The following GRM3 variants were observed in gnomAD, a reference collection of about 807,000 sequenced individuals.
GRM3 encodes the protein glutamate metabotropic receptor 3, also known as metabotropic glutamate receptor 3.
Under a neutral mutation model 70.5 loss-of-function variants are expected in GRM3, and 26 were observed. The ratio of observed to expected loss-of-function variants is 0.37; its 90% CI spans 0.27 to 0.51. GRM3 has a LOEUF of 0.51. Among genes scored for constraint, GRM3 ranks in the 20% least tolerant of loss-of-function variants. GRM3 has a pLI of 0.93. For missense variants in GRM3, 859 were observed against 1,123.8 expected (o/e 0.76, Z 3.37); for synonymous variants, 443 against 434.9 (o/e 1.02, Z -0.23).
At chr7:86,683,548 C>G (rs1333824876) in intron 1 of GRM3, among the ~76,000 whole-genome samples, 1 of 152,132 alleles carries the variant, frequency 6.6e-6, no homozygotes, top group African/African-American at 2.4e-5. Flanking sequence ...ACACTGAGGA[C>G]TCCACTTTCT....
chr7:86,824,639 G>A (rs893802247), intron 3 of GRM3, among the ~76,000 whole-genome samples: 2 of 152,074 alleles, frequency 1.3e-5, no homozygotes, highest in African/African-American at 4.8e-5. Context: ...ACACCTAGTT[G>A]GATATGTGAT....
At chr7:86,701,201 T>C (rs565766756) in intron 1 of GRM3, among the ~76,000 whole-genome samples, 1 of 151,932 alleles carries the variant, frequency 6.6e-6, no homozygotes, top group Non-Finnish European at 1.5e-5. Flanking sequence ...TTTTATTACA[T>C]TTTTATATAT....
intron 1 of GRM3, among the ~76,000 whole-genome samples, chr7:86,657,579 C>A (rs998252056): frequency 6.6e-6 from 1 of 152,096 alleles, no homozygotes; most frequent in African/African-American, 2.4e-5. Context: ...GCTCTCAGAG[C>A]AGATAAAATG....
In GRM3 at chr7:86,765,306, C is replaced by A; in HGVS notation, c.161C>A (p.Thr54Asn). 6.2e-7 allele frequency: 1 copy of A among 1,613,830 alleles called. No homozygotes were observed. The change falls in exon 2 of 6, where the codon ACT becomes AAT. Residue 54 changes from threonine to asparagine, a missense_variant. Thr to Asn is a moderately conservative substitution (Grantham distance 65, BLOSUM62 0). Coordinates refer to ENST00000361669, the MANE Select transcript of GRM3 (RefSeq NM_000840.3). ...CCTATTAACGAAAAAGGCACTGGAA[C>A]TGAAGAATGTGGGCGAATCAATGAA... ...LFPINEKGTG[T>N]EECGRINEDR... is the part of the protein sequence containing the mutation.
intron 1 of GRM3, among the ~76,000 whole-genome samples, chr7:86,711,333 C>T (rs1795195023): frequency 6.6e-6 from 1 of 151,928 alleles, no homozygotes; most frequent in African/African-American, 2.4e-5. Context: ...GCACTGCATG[C>T]ACATATGTAT....
At position 86,644,841 on chromosome 7, in the gene GRM3, C is replaced by T; in HGVS notation, c.-172C>T. The T allele has an allele frequency of 7.8e-7, 1 of 1,289,580 alleles. No homozygotes were observed. The allele number at this position is 1,289,580 out of a possible 1,614,324, so 79.9% of individuals were successfully genotyped here. On this transcript the variant is annotated 5_prime_UTR_variant, in exon 1 of 6. Transcript: ENST00000361669. ...CCGCCGCCGCTGCCACCGCGGTCAG[C>T]TCCAGTTCCTGCCAGGAGTTGTCGG...
chr7:86,737,871 G>C (rs771678117), intron 1 of GRM3, among the ~76,000 whole-genome samples: 1 of 152,148 alleles, frequency 6.6e-6, no homozygotes, highest in African/African-American at 2.4e-5. Context: ...TCTATAAGCT[G>C]GCAGACAAGA....
intron 5 of GRM3, among the ~76,000 whole-genome samples, chr7:86,861,792 G>A (rs1584285406): frequency 6.6e-6 from 1 of 152,180 alleles, no homozygotes; most frequent in Non-Finnish European, 1.5e-5. Context: ...AGCACACAGG[G>A]AAGCCACTGG....
chr7:86,856,534 A>C (rs1798850877), intron 5 of GRM3, among the ~76,000 whole-genome samples: 1 of 152,058 alleles, frequency 6.6e-6, no homozygotes, highest in Non-Finnish European at 1.5e-5. Flanking sequence ...CTGTGCAGCA[A>C]ACCCCTGTGA....
At chr7:86,779,365 C>G (rs1796981390) in intron 2 of GRM3, among the ~76,000 whole-genome samples, 1 of 152,086 alleles carries the variant, frequency 6.6e-6, no homozygotes, top group South Asian at 2.1e-4. Context: ...TTCAGAGTGG[C>G]TTCATATTGC....
chr7:86,864,271 T>A lies in GRM3; in HGVS notation c.2567-11T>A. Reference sequence around the variant, plus strand: ...CTAACTTTGAGTTTTCTGTCCCACTTTGTTTTCCAGCCTCTGCAAGCACGT... The same window carrying A: ...CTAACTTTGAGTTTTCTGTCCCACTATGTTTTCCAGCCTCTGCAAGCACGT... On this transcript the variant is annotated splice_polypyrimidine_tract_variant and intron_variant, in intron 5 of 5. Transcript: ENST00000361669. 6.9e-7 allele frequency: 1 copy of A among 1,454,340 alleles called. No homozygotes were observed. Among genetic ancestry groups the A allele is most frequent in the Non-Finnish European group, 9.7e-7 (1 of 1,034,090 alleles). The allele number at this position is 1,454,340 out of a possible 1,614,324, so 90.1% of individuals were successfully genotyped here.
chr7:86,730,407 C>A (rs117511711), intron 1 of GRM3, among the ~76,000 whole-genome samples: 2 of 152,274 alleles, frequency 1.3e-5, no homozygotes, highest in South Asian at 4.1e-4. Context: ...GCGTCAAGAG[C>A]GAAACTCTGT....
At chr7:86,764,031 T>C (rs1340394482) in intron 1 of GRM3, among the ~76,000 whole-genome samples, 1 of 151,958 alleles carries the variant, frequency 6.6e-6, no homozygotes, top group Non-Finnish European at 1.5e-5. Flanking sequence ...GGGGGTGAAG[T>C]GGAGAAGACT....
At chr7:86,740,966 G>A (rs533987062) in intron 1 of GRM3, among the ~76,000 whole-genome samples, 1 of 152,240 alleles carries the variant, frequency 6.6e-6, no homozygotes, top group South Asian at 2.1e-4. Context: ...AACCTTTGCA[G>A]GCAGATGAAG....
chr7:86,710,675 G>T (rs927764918), intron 1 of GRM3, among the ~76,000 whole-genome samples: 2 of 151,612 alleles, frequency 1.3e-5, no homozygotes, highest in Non-Finnish European at 2.9e-5. Context: ...ACAGTGGAAT[G>T]AAGAAAATAA....
chr7:86,657,546 T>C (rs1227184991), intron 1 of GRM3, among the ~76,000 whole-genome samples: 1 of 152,072 alleles, frequency 6.6e-6, no homozygotes, highest in Non-Finnish European at 1.5e-5. Flanking sequence ...TTAGAGTGTA[T>C]GGGGGTCAGG....
At chr7:86,669,934 T>G (rs1324520183) in intron 1 of GRM3, among the ~76,000 whole-genome samples, 2 of 152,174 alleles carry the variant, frequency 1.3e-5, no homozygotes, top group African/African-American at 4.8e-5. Context: ...TTCCTAGTCC[T>G]AGATCAGCAA....
chr7:86,794,593 T>C (rs1024141681), intron 3 of GRM3, among the ~76,000 whole-genome samples: 12 of 152,194 alleles, frequency 7.9e-5, no homozygotes, highest in African/African-American at 2.7e-4. Flanking sequence ...ACTTGAAAAC[T>C]AGTCACCATT....
chr7:86,727,409 T>C (rs1429561992), intron 1 of GRM3, among the ~76,000 whole-genome samples: 1 of 152,176 alleles, frequency 6.6e-6, no homozygotes, highest in Non-Finnish European at 1.5e-5. Flanking sequence ...CCTTCAGTTA[T>C]CTCTTTCTCA....
Sources: gnomAD v4.1 joint callset for allele counts (sites outside exome capture counted in the v4.1 genomes callset) on GRCh38, gnomAD v4.1.1 for gene constraint, MANE v1.5 for transcripts, NCBI Gene and HGNC (gene_info 2026-07-23, HGNC 2026-07-21) for gene names.